The following MEGF11 variants were observed in gnomAD, a reference collection of about 807,000 sequenced individuals.
The protein encoded by MEGF11 is multiple EGF like domains 11.
MEGF11 carries 126 observed loss-of-function variants against 146.6 expected under a neutral mutation model. That is an observed-to-expected ratio of 0.86 (90% CI 0.74 to 1.00). The LOEUF (loss-of-function observed/expected upper bound fraction) is 1.00. Ranked by LOEUF, MEGF11 falls within the 50% of genes least tolerant of loss-of-function variation. The probability of loss-of-function intolerance (pLI) is 0.00; values close to 1 mark genes in which losing one functional copy is unlikely to be tolerated. For synonymous variants in MEGF11, 532 were observed against 583.4 expected, an observed-to-expected ratio of 0.91 and a Z score of 1.27; for missense variants, 1,509 against 1,521.2, an observed-to-expected ratio of 0.99 and a Z score of 0.13.
intron 7 of MEGF11, among the ~76,000 whole-genome samples, chr15:65,972,634 A>G (rs1347584022): frequency 6.6e-6 from 1 of 152,246 alleles, no homozygotes; most frequent in Admixed American, 6.5e-5. Flanking sequence ...ACTGGAAGCC[A>G]GAAGACAATG....
chr15:65,982,556 C>T lies in MEGF11; in HGVS notation c.395-68G>A, dbSNP rs542614340. ...TCTCCTTGGGGCAGGGGCCAGGAAC[C>T]GATGCCCATGCGGCCTTCCCATCTT... On this transcript the variant is annotated intron_variant, in intron 5 of 25. Coordinates refer to ENST00000395614, the MANE Select transcript of MEGF11 (RefSeq NM_001385028.1). The surrounding 1 kb of genome is among the most constrained non-coding windows in gnomAD (Gnocchi z 5.6). 3 of 1,407,272 alleles carry T rather than the reference C, an allele frequency of 2.1e-6. No individual in the cohort carries two copies. Among genetic ancestry groups the T allele is most frequent in the African/African-American group, 3.0e-5 (2 of 66,872 alleles). The allele number at this position is 1,407,272 out of a possible 1,614,324, so 87.2% of individuals were successfully genotyped here. A position where few individuals can be genotyped will look rare whatever the true frequency, so the allele number is the denominator to read the frequency against.
chr15:65,943,857 T>C (rs1184853523), intron 10 of MEGF11, among the ~76,000 whole-genome samples: 2 of 152,078 alleles, frequency 1.3e-5, no homozygotes, highest in East Asian at 1.9e-4. Flanking sequence ...TATACATGCA[T>C]GTGTACCGTA....
rs1430917762 is a variant in MEGF11, at chr15:65,982,989, G to A, written c.395-501C>T. Among the ~76,000 whole-genome samples the A allele has an allele frequency of 6.6e-6, 1 of 151,762 alleles. No individual in the cohort carries two copies. Among genetic ancestry groups the A allele is most frequent in the East Asian group, 1.9e-4 (1 of 5,170 alleles). ...TCCCATTTCTCTATCTTTCCTGCCC[G>A]CTTCTCCCTCTTCCCCACACGCATT... On this transcript the variant is annotated intron_variant, in intron 5 of 25. Coordinates refer to ENST00000395614, the MANE Select transcript of MEGF11 (RefSeq NM_001385028.1). The surrounding 1 kb of genome is among the most constrained non-coding windows in gnomAD (Gnocchi z 5.6).
intron 1 of MEGF11, among the ~76,000 whole-genome samples, chr15:66,190,408 A>G (rs2090837423): frequency 2.0e-5 from 3 of 152,178 alleles, no homozygotes; most frequent in African/African-American, 7.2e-5. Context: ...GCCAGGTCCA[A>G]GGAAAGATGT....
In MEGF11 at chr15:65,946,894, C is replaced by G. The variant is rs151177096; in HGVS notation, c.1287+10653G>C. ...TTTCCTTCCACTCCCTCCCTACACCCTCCTCGACACCTGTGCCTCATGGCC... is the reference window on the plus strand; with the variant it reads ...TTTCCTTCCACTCCCTCCCTACACCGTCCTCGACACCTGTGCCTCATGGCC... On this transcript the variant is annotated intron_variant, in intron 10 of 25. Coordinates refer to ENST00000395614, the MANE Select transcript of MEGF11 (RefSeq NM_001385028.1). Among the ~76,000 whole-genome samples, 557 of 152,304 alleles carry G rather than the reference C, an allele frequency of 3.7e-3. 4 individuals are homozygous for G. Among genetic ancestry groups the G allele is most frequent in the African/African-American group, 0.013 (539 of 41,542 alleles).
chr15:65,902,767 C>T (rs894835688), intron 24 of MEGF11, among the ~76,000 whole-genome samples: 3 of 152,208 alleles, frequency 2.0e-5, no homozygotes, highest in African/African-American at 7.2e-5. Flanking sequence ...CATTTGGTCT[C>T]ATCTGGTTCC....
intron 5 of MEGF11, among the ~76,000 whole-genome samples, chr15:66,063,458 CT>C (rs2084989369): frequency 6.6e-6 from 1 of 152,176 alleles, no homozygotes; most frequent in Non-Finnish European, 1.5e-5. Context: ...TGATGGGCCC[CT>C]GGGGTGGCCT....
chr15:66,104,358 G>A (rs1181244742), intron 4 of MEGF11, among the ~76,000 whole-genome samples: 1 of 152,208 alleles, frequency 6.6e-6, no homozygotes, highest in Non-Finnish European at 1.5e-5. Flanking sequence ...AGTCTAGGAA[G>A]AAATGGCCCT....
Position 66,007,171 on chromosome 15 carries a change from C to G in MEGF11, c.395-24683G>C, listed in dbSNP as rs965326690. On this transcript the variant is annotated intron_variant, in intron 5 of 25. Coordinates refer to ENST00000395614, the MANE Select transcript of MEGF11 (RefSeq NM_001385028.1). ...GTCAGCACACGTGAGTCACCAGGCA[C>G]TTTGGCTAGCCCTGGCTACTACCTT... Among the ~76,000 whole-genome samples the G allele has an allele frequency of 3.9e-5, 6 of 152,336 alleles. No individual in the cohort carries two copies. The South Asian group carries it at 1.0e-3, about 26-fold the overall frequency.
chr15:66,075,388 G>A (rs1431137691), intron 5 of MEGF11, among the ~76,000 whole-genome samples: 1 of 152,178 alleles, frequency 6.6e-6, no homozygotes, highest in Non-Finnish European at 1.5e-5. Context: ...TCAGAAGCAG[G>A]ATATTTTCAT....
At chr15:66,064,637 C>T (rs1358616273) in intron 5 of MEGF11, among the ~76,000 whole-genome samples, 1 of 151,938 alleles carries the variant, frequency 6.6e-6, no homozygotes, top group African/African-American at 2.4e-5. Context: ...CCTGCCTCAG[C>T]CTCCCAAGTA....
chr15:66,193,566 T>A (rs1347660591), intron 1 of MEGF11, among the ~76,000 whole-genome samples: 1 of 152,098 alleles, frequency 6.6e-6, no homozygotes, highest in Non-Finnish European at 1.5e-5. Flanking sequence ...ACCCACAGAT[T>A]TTTTTCCCAC....
intron 1 of MEGF11, among the ~76,000 whole-genome samples, chr15:66,252,224 GC>G (rs1338895060): frequency 1.1e-5 from 1 of 89,964 alleles, no homozygotes; most frequent in Non-Finnish European, 2.2e-5. Context: ...CGCACCCCCC[GC>G]CCCCCACCCC....
At chr15:66,091,466 G>C (rs1444909230) in intron 5 of MEGF11, among the ~76,000 whole-genome samples, 1 of 152,236 alleles carries the variant, frequency 6.6e-6, no homozygotes, top group African/African-American at 2.4e-5. Flanking sequence ...AGGAGGTAGA[G>C]TTATAAGTTA....
At chr15:66,059,815 G>C (rs2084829440) in intron 5 of MEGF11, among the ~76,000 whole-genome samples, 1 of 152,152 alleles carries the variant, frequency 6.6e-6, no homozygotes, top group Non-Finnish European at 1.5e-5. Flanking sequence ...CCGGCTCCCA[G>C]GCAGGGAGCT....
At chr15:66,171,348 C>T (rs148834407) in intron 1 of MEGF11, among the ~76,000 whole-genome samples, 689 of 152,254 alleles carry the variant, frequency 4.5e-3, no homozygotes, top group South Asian at 0.016. Context: ...CCAGTGGTGC[C>T]AGGGCAAGGC....
intron 5 of MEGF11, among the ~76,000 whole-genome samples, 192 bp downstream of exon 5, chr15:66,094,210 T>A (rs1365776600): frequency 1.3e-5 from 2 of 152,106 alleles, no homozygotes; most frequent in Non-Finnish European, 2.9e-5. Context: ...CAGGCCCCCA[T>A]AAATCACCAT....
At position 65,922,341 on chromosome 15, in the gene MEGF11, G is replaced by T. The variant is rs772862511; in HGVS notation, c.1954C>A (p.Gln652Lys). The T allele has an allele frequency of 1.2e-6, 2 of 1,607,808 alleles. No homozygotes were observed. The part of the protein sequence containing the change: ...LPGFSGALCN[Q>K]VCAGGYFGQD... Reference sequence around the variant, plus strand: ...ACCTTCCCACTGGAGACAGTACCTTGGTTGCAGAGAGCTCCAGAGAATCCT... The same window carrying T: ...ACCTTCCCACTGGAGACAGTACCTTTGTTGCAGAGAGCTCCAGAGAATCCT... The change falls in exon 15 of 26, where the codon CAA becomes AAA. Residue 652 changes from glutamine (Q) to lysine (K), a missense_variant. Physicochemically the swap from Gln to Lys is moderately conservative, Grantham distance 53. Transcript: ENST00000395614.
chr15:65,953,520 C>A (rs1362031953), intron 10 of MEGF11, among the ~76,000 whole-genome samples: 1 of 152,170 alleles, frequency 6.6e-6, no homozygotes, highest in Non-Finnish European at 1.5e-5. Context: ...TCTCCATGGG[C>A]CCTTGTGAGG....
Sources: allele counts gnomAD v4.1 joint callset (sites outside exome capture counted in the v4.1 genomes callset), GRCh38; gene constraint gnomAD v4.1.1; non-coding constraint Gnocchi (gnomAD v3.1); transcripts MANE v1.5; gene names NCBI Gene and HGNC (gene_info 2026-07-23, HGNC 2026-07-21).